Variants in AK3 observed in about 807,000 individuals in gnomAD.
AK3 encodes GTP:AMP phosphotransferase AK3, mitochondrial.
Under a neutral mutation model 23.7 loss-of-function variants are expected in AK3, and 27 were observed. The ratio of observed to expected loss-of-function variants is 1.14; its 90% CI spans 0.84 to 1.57. The LOEUF is 1.57. AK3 is among the 40% of genes most tolerant of loss of function. AK3 has a pLI of 0.00. For synonymous variants in AK3, 159 were observed against 116.0 expected (o/e 1.37, Z -2.38); for missense variants, 406 against 285.6 (o/e 1.42, Z -3.04).
At chr9:4,732,357 G>A (rs150051526) in intron 1 of AK3, among the ~76,000 whole-genome samples, 1 of 152,128 alleles carries the variant, frequency 6.6e-6, no homozygotes, top group East Asian at 1.9e-4. Flanking sequence ...TATGCTATTG[G>A]TAAGGCTCCT....
At chr9:4,737,968 C>A (rs537441714) in intron 1 of AK3, among the ~76,000 whole-genome samples, 2 of 152,226 alleles carry the variant, frequency 1.3e-5, no homozygotes, top group Middle Eastern at 6.8e-3. Flanking sequence ...TAAATTGGCA[C>A]AATCCTTCTG....
rs1369381859 is a variant in AK3 at position 4,711,921 on chromosome 9, T to C, written c.*1055A>G. On this transcript the variant is annotated 3_prime_UTR_variant, in exon 5 of 5. Transcript: ENST00000381809. ...GTTAACCTATCATGTAAATTCTTTT[T>C]ATTGGTACACCTGTTTACTAATTAT... 1 of 152,204 alleles carries C rather than the reference T, an allele frequency of 6.6e-6. No homozygotes were observed. Among genetic ancestry groups the C allele is most frequent in the Non-Finnish European group, 1.5e-5 (1 of 68,014 alleles). The allele number at this position is 152,204 out of a possible 1,614,324, so 9.4% of individuals were successfully genotyped here.
intron 1 of AK3, among the ~76,000 whole-genome samples, 155 bp downstream of exon 1, chr9:4,740,782 C>T (rs1842410383): frequency 6.6e-6 from 1 of 152,206 alleles, no homozygotes; most frequent in Non-Finnish European, 1.5e-5. Flanking sequence ...GGTTTTGGGG[C>T]GCAGTCGCTC....
At chr9:4,733,927 C>G (rs905880994) in intron 1 of AK3, among the ~76,000 whole-genome samples, 1 of 152,174 alleles carries the variant, frequency 6.6e-6, no homozygotes, top group African/African-American at 2.4e-5. Flanking sequence ...GAACTGGAAG[C>G]TCCCCCTCTG....
chr9:4,727,223 T>C (rs1281518405), intron 1 of AK3, among the ~76,000 whole-genome samples: 3 of 152,202 alleles, frequency 2.0e-5, no homozygotes, highest in African/African-American at 7.2e-5. Flanking sequence ...CATTAGTCCC[T>C]AGCAAGAGAG....
upstream of AK3, chr9:4,741,343 CG>C: frequency 3.7e-5 from 4 of 109,448 alleles, no homozygotes; most frequent in Admixed American, 8.2e-4. Context: ...CGCCCAGCCG[CG>C]CAAGCCGCGC....
rs1483656039 is a variant in AK3 at position 4,728,894 on chromosome 9, T to TATAC, written c.152-6270_152-6269insGTAT. Among the ~76,000 whole-genome samples, 362 of 127,086 alleles carry TATAC rather than the reference T, an allele frequency of 2.8e-3. 1 individual carries two copies. Among genetic ancestry groups the TATAC allele is most frequent in the Middle Eastern group, 0.016 (4 of 252 alleles). 83.4% of individuals were successfully genotyped at this position (127,086 alleles called of 152,430 possible). On this transcript the variant is annotated intron_variant, in intron 1 of 4. Coordinates refer to ENST00000381809, the MANE Select transcript of AK3 (RefSeq NM_016282.4). ...ACACACACACACACATACATATATATACACATACTTATATATATACATACA... is the reference window on the plus strand; with the variant it reads ...ACACACACACACACATACATATATATATACACACATACTTATATATATACATACA...
rs1212562466 is a variant in AK3 at position 4,710,694 on chromosome 9, G to A, written c.*2282C>T. On this transcript the variant is annotated 3_prime_UTR_variant, in exon 5 of 5. Transcript: ENST00000381809. ...AGCACTTGGGAAGCTGAATCAGGAA[G>A]ACTGTTTGAGGCCAGGAGACTAGCC... 6.6e-6 allele frequency: 1 copy of A among 152,106 alleles called. No individual in the cohort carries two copies. Among genetic ancestry groups the A allele is most frequent in the African/African-American group, 2.4e-5 (1 of 41,412 alleles). 9.4% of individuals were successfully genotyped at this position (152,106 alleles called of 1,614,324 possible). A position where few individuals can be genotyped will look rare whatever the true frequency, so the allele number is the denominator to read the frequency against.
chr9:4,740,639 G>A (rs1472756994), intron 1 of AK3, among the ~76,000 whole-genome samples: 1 of 152,146 alleles, frequency 6.6e-6, no homozygotes, highest in South Asian at 2.1e-4. Flanking sequence ...GGCTGCCACT[G>A]GGAGGACTTG....
intron 1 of AK3, among the ~76,000 whole-genome samples, chr9:4,734,825 AG>A (rs1395858531): frequency 2.6e-5 from 4 of 152,250 alleles, no homozygotes; most frequent in African/African-American, 9.6e-5. Context: ...GCGATAAAAA[AG>A]AATGAAGTAG....
chr9:4,737,444 C>G (rs1208848394), intron 1 of AK3, among the ~76,000 whole-genome samples: 1 of 152,180 alleles, frequency 6.6e-6, no homozygotes, highest in Non-Finnish European at 1.5e-5. Context: ...CTCCTGAACT[C>G]AGTCTCCTCA....
intron 1 of AK3, among the ~76,000 whole-genome samples, chr9:4,736,305 A>G (rs1414850341): frequency 6.6e-6 from 1 of 152,116 alleles, no homozygotes; most frequent in Non-Finnish European, 1.5e-5. Flanking sequence ...GGTATAAAAC[A>G]GTATATACAG....
Position 4,719,308 on chromosome 9 carries a change from C to T in AK3, c.272-1G>A. On this transcript the variant is annotated splice_acceptor_variant, in intron 2 of 4. Transcript: ENST00000381809. LOFTEE classifies it high-confidence loss of function. ...GCCTGTGGAAGTGTCCTTGGAAAAC[C>T]TTTATAAAGTAAAAAAGAAAAAGAA... 1 of 1,274,160 alleles carries T rather than the reference C, an allele frequency of 7.8e-7. No individual in the cohort carries two copies. The highest frequency in any genetic ancestry group is 1.0e-6 in the Non-Finnish European group (1 of 983,452). The allele number at this position is 1,274,160 out of a possible 1,614,324, so 78.9% of individuals were successfully genotyped here.
intron 1 of AK3, among the ~76,000 whole-genome samples, chr9:4,734,372 C>A (rs1230646483): frequency 6.6e-6 from 1 of 152,172 alleles, no homozygotes; most frequent in Non-Finnish European, 1.5e-5. Context: ...GACTAACACA[C>A]ATGTCCATCT....
At chr9:4,737,385 T>A (rs439786) in intron 1 of AK3, among the ~76,000 whole-genome samples, 1 of 152,076 alleles carries the variant, frequency 6.6e-6, no homozygotes, top group African/African-American at 2.4e-5. Context: ...GAGAAATCTA[T>A]GTTTTCACCC....
chr9:4,716,834 G>C (rs191938539), intron 4 of AK3, among the ~76,000 whole-genome samples: 2 of 152,268 alleles, frequency 1.3e-5, no homozygotes, highest in Admixed American at 6.5e-5. Flanking sequence ...GGGAGGCTGA[G>C]ACAGGAGAAT....
chr9:4,731,652 C>T (rs551152172), intron 1 of AK3, among the ~76,000 whole-genome samples: 36 of 152,108 alleles, frequency 2.4e-4, no homozygotes, highest in Admixed American at 2.0e-4. Flanking sequence ...TTTACCCCCT[C>T]CCAAAATTAT....
chr9:4,733,849 C>G (rs899341924), intron 1 of AK3, among the ~76,000 whole-genome samples: 2 of 152,118 alleles, frequency 1.3e-5, no homozygotes, highest in African/African-American at 4.8e-5. Context: ...GCATGGTAAG[C>G]TCTTATTGAT....
At chr9:4,719,883 T>A (rs567083811) in intron 2 of AK3, among the ~76,000 whole-genome samples, 5 of 152,202 alleles carry the variant, frequency 3.3e-5, no homozygotes, top group Admixed American at 1.3e-4. Context: ...CTAGCCAACA[T>A]GGTGAAATCC....
Sources: gnomAD v4.1 joint callset for allele counts (sites outside exome capture counted in the v4.1 genomes callset) on GRCh38, gnomAD v4.1.1 for gene constraint, MANE v1.5 for transcripts, NCBI Gene and HGNC (gene_info 2026-07-23, HGNC 2026-07-21) for gene names.